The following EIF4A2 variants were observed in gnomAD, a reference collection of about 807,000 sequenced individuals.
EIF4A2 encodes eukaryotic translation initiation factor 4A2.
In EIF4A2, 9 loss-of-function variants were observed where a neutral mutation model predicts 50.6. That is an observed-to-expected ratio of 0.18 (90% CI 0.11 to 0.31). The LOEUF (loss-of-function observed/expected upper bound fraction) is 0.31. Ranked by LOEUF, EIF4A2 falls within the 10% of genes least tolerant of loss-of-function variation. EIF4A2 has a pLI of 1.00. For missense variants in EIF4A2, 182 were observed against 501.8 expected (o/e 0.36, Z 6.09); for synonymous variants, 215 against 164.4 (o/e 1.31, Z -2.35).
Position 186,784,177 on chromosome 3 carries a change from C to G in EIF4A2, c.30-255C>G, listed in dbSNP as rs1165397556. ...GCATTGTTGGGGGCGGAGTTCGGCG[C>G]TCCGAGCTCTCGCGAGACGCTCCGC... On this transcript the variant is annotated intron_variant, in intron 1 of 10. Transcript: ENST00000323963. 12 of 567,374 alleles carry G rather than the reference C, an allele frequency of 2.1e-5. No homozygotes were observed. The South Asian group carries it at 2.6e-4, about 12-fold the overall frequency. The allele number at this position is 567,374 out of a possible 1,614,324, so 35.1% of individuals were successfully genotyped here.
At chr3:186,784,734 T>C in intron 3 of EIF4A2, 38 bp downstream of exon 3, 1 of 1,611,740 alleles carries the variant, frequency 6.2e-7, no homozygotes, top group Non-Finnish European at 8.5e-7. Context: ...TTGTTCTACA[T>C]AGACATGAAC....
rs774977468 is a variant in EIF4A2, at chr3:186,783,602, T to C, written c.-9T>C. On this transcript the variant is annotated 5_prime_UTR_variant, in exon 1 of 11. Transcript: ENST00000323963. ...CTTTTCAGTCGGGCGCTGAGTGGTT[T>C]TTCGGATCATGTCTGGTGGCTCCGC... is the stretch of plus-strand genomic sequence containing the variant. The C allele has an allele frequency of 4.4e-5, 71 of 1,614,120 alleles. No individual in the cohort carries two copies. The highest frequency in any genetic ancestry group is 1.9e-4 in the South Asian group (17 of 91,068).
intron 1 of EIF4A2, 200 bp from the exon 2 acceptor site, chr3:186,784,232 C>A (rs1324029761): frequency 1.9e-5 from 14 of 721,524 alleles, no homozygotes; most frequent in African/African-American, 1.8e-5. Flanking sequence ...TGCGCTCGGG[C>A]CTGGGGGGCT....
chr3:186,787,976 T>A, intron 10 of EIF4A2, 94 bp downstream of exon 10: 3 of 1,271,038 alleles, frequency 2.4e-6, no homozygotes, highest in Non-Finnish European at 3.4e-6. Flanking sequence ...AGGAATAGAT[T>A]CAGTAAAGTC....
At position 186,784,676 on chromosome 3, in the gene EIF4A2, C is replaced by G. The variant is rs577099369; in HGVS notation, c.188C>G (p.Ala63Gly). The G allele has an allele frequency of 6.2e-7, 1 of 1,614,108 alleles. No homozygotes were observed. Among genetic ancestry groups the G allele is most frequent in the East Asian group, 2.2e-5 (1 of 44,874 alleles). Residue 63 changes from alanine (A) to glycine (G), a missense_variant, in exon 3 of 11, where the codon GCT (alanine) becomes GGT (glycine). This residue lies in a region of EIF4A2 where 113 missense variants were observed against 357.3 expected (regional missense o/e 0.32). Transcript: ENST00000323963. Reference protein sequence around the residue: ...FEKPSAIQQRAIIPCIKGYDV... With the variant: ...FEKPSAIQQRGIIPCIKGYDV... The stretch of plus-strand genomic sequence containing the variant: ...AAGCCTTCCGCTATTCAGCAGAGAG[C>G]TATTATTCCCTGTATTAAAGGTAAA...
Position 186,789,512 on chromosome 3 carries a change from T to A in EIF4A2, c.*243T>A, listed in dbSNP as rs751725492. 4.7e-5 allele frequency: 19 copies of A among 406,484 alleles called. No homozygotes were observed. Among genetic ancestry groups the A allele is most frequent in the East Asian group, 2.3e-4 (6 of 25,708 alleles). 25.2% of individuals were successfully genotyped at this position (406,484 alleles called of 1,614,324 possible). A position where few individuals can be genotyped will look rare whatever the true frequency, so the allele number is the denominator to read the frequency against. ...ATAAAAGATGGGGTCTGTAAAATCT[T>A]TCTTTCTTAGAAATTTATTTCCTAG... On this transcript the variant is annotated 3_prime_UTR_variant, in exon 11 of 11. Coordinates refer to ENST00000323963, the MANE Select transcript of EIF4A2 (RefSeq NM_001967.4).
intron 3 of EIF4A2, 83 bp from the exon 4 acceptor site, chr3:186,784,879 A>G (rs1721602020): frequency 6.2e-7 from 1 of 1,607,986 alleles, no homozygotes. Context: ...ATTTGGGCAT[A>G]ATGTTCCAAA....
chr3:186,786,462 A>T, intron 6 of EIF4A2, 40 bp from the exon 7 acceptor site: 1 of 1,603,430 alleles, frequency 6.2e-7, no homozygotes, highest in Non-Finnish European at 8.5e-7. Context: ...TTGGGTATTA[A>T]TGTGTAAGTT....
rs1210530401 is a variant in EIF4A2 at position 186,789,548 on chromosome 3, A to G, written c.*279A>G. ...AAATTTATTTCCTAGTTCTGTAGAA[A>G]TGGTTGTATTAGATGTTCTCTATCA... On this transcript the variant is annotated 3_prime_UTR_variant, in exon 11 of 11. Transcript: ENST00000323963. 3 of 362,358 alleles carry G rather than the reference A, an allele frequency of 8.3e-6. No individual in the cohort carries two copies. The highest frequency in any genetic ancestry group is 4.2e-5 in the African/African-American group (2 of 47,790). 22.4% of individuals were successfully genotyped at this position (362,358 alleles called of 1,614,324 possible).
At chr3:186,785,769 T>G in intron 4 of EIF4A2, 114 bp from the exon 5 acceptor site, 2 of 1,330,262 alleles carry the variant, frequency 1.5e-6, no homozygotes, top group East Asian at 2.4e-5. Context: ...AGTAGTTTTG[T>G]GCTGTGCATG....
At chr3:186,785,173 T>G in intron 4 of EIF4A2, 72 bp downstream of exon 4, 1 of 1,585,364 alleles carries the variant, frequency 6.3e-7, no homozygotes, top group Non-Finnish European at 8.6e-7. Context: ...TGTGAAGAAT[T>G]TAAAACTTAG....
At chr3:186,783,773 C>G (rs1488115012) in intron 1 of EIF4A2, 134 bp downstream of exon 1, 15 of 1,386,920 alleles carry the variant, frequency 1.1e-5, no homozygotes, top group Non-Finnish European at 1.5e-5. Context: ...CTGTGCCCTT[C>G]CAGAAGCTTC....
At chr3:186,785,841 TC>T (rs763352026) in intron 4 of EIF4A2, 41 bp from the exon 5 acceptor site, 3 of 1,570,164 alleles carry the variant, frequency 1.9e-6, no homozygotes, top group South Asian at 2.3e-5. Context: ...TAGTCATTGA[TC>T]CTGGAGTTCT....
chr3:186,787,430 A>G (rs1004555557), intron 8 of EIF4A2, 65 bp from the exon 9 acceptor site: 4 of 1,610,348 alleles, frequency 2.5e-6, no homozygotes, highest in Non-Finnish European at 3.4e-6. Flanking sequence ...GGTCTCATAC[A>G]TGTTGATTAA....
chr3:186,785,696 TAAGA>T (rs1721661188), intron 4 of EIF4A2, 183 bp from the exon 5 acceptor site: 2 of 644,518 alleles, frequency 3.1e-6, no homozygotes, highest in Non-Finnish European at 5.0e-6. Context: ...TGACAAGGCA[TAAGA>T]AAGACATTAA....
intron 1 of EIF4A2, chr3:186,783,994 C>CGAGTTGGGGGAGGGTCCTAGGCTT: frequency 4.9e-6 from 2 of 411,166 alleles, no homozygotes; most frequent in Non-Finnish European, 8.8e-6. Context: ...GTCATCCACA[C>CGAGTTGGGGGAGGGTCCTAGGCTT]GAGTTGGGGG....
intron 4 of EIF4A2, chr3:186,785,422 C>G (rs1038780884): frequency 2.6e-6 from 1 of 381,518 alleles, no homozygotes; most frequent in Non-Finnish European, 4.8e-6. Flanking sequence ...CTCCGTAGTT[C>G]GTGATGCATC....
intron 10 of EIF4A2, chr3:186,788,384 A>G: frequency 1.6e-6 from 2 of 1,289,098 alleles, no homozygotes; most frequent in Admixed American, 4.6e-5. Flanking sequence ...TGGAATCATA[A>G]GCGAAACAGC....
intron 10 of EIF4A2, chr3:186,788,174 C>T (rs1465427753): frequency 1.3e-6 from 1 of 753,080 alleles, no homozygotes; most frequent in Non-Finnish European, 2.0e-6. Context: ...GTGATTTTTT[C>T]TATAGTTGGG....
Sources: allele counts gnomAD v4.1 joint callset, GRCh38; gene constraint gnomAD v4.1.1; regional missense constraint gnomAD v4.1.1; transcripts MANE v1.5; gene names NCBI Gene and HGNC (gene_info 2026-07-23, HGNC 2026-07-21).